Variants in ALCAM observed in about 807,000 individuals in gnomAD.
ALCAM encodes CD166 antigen.
In ALCAM, 30 loss-of-function variants were observed where a neutral mutation model predicts 70.9. That is an observed-to-expected ratio of 0.42 (90% confidence interval 0.32 to 0.57). The LOEUF is 0.57. ALCAM is among the 20% of genes least tolerant of loss of function. The probability of loss-of-function intolerance (pLI) is 0.11; values close to 1 mark genes in which losing one functional copy is unlikely to be tolerated. For synonymous variants in ALCAM, 249 were observed against 242.5 expected (o/e 1.03, Z -0.25); for missense variants, 591 against 695.1 (o/e 0.85, Z 1.68).
At chr3:105,425,830 A>G (rs1290366336) in intron 1 of ALCAM, among the ~76,000 whole-genome samples, 1 of 151,666 alleles carries the variant, frequency 6.6e-6, no homozygotes, top group Admixed American at 6.6e-5. Flanking sequence ...TGATCATTAA[A>G]AGGGCAAAAT....
chr3:105,530,292 C>T, intron 3 of ALCAM, among the ~76,000 whole-genome samples: 1 of 151,940 alleles, frequency 6.6e-6, no homozygotes, highest in East Asian at 1.9e-4. Context: ...AGTGTTTCAT[C>T]AATAAATCAG....
intron 1 of ALCAM, among the ~76,000 whole-genome samples, chr3:105,420,007 A>G (rs1936604686): frequency 6.6e-6 from 1 of 151,798 alleles, no homozygotes; most frequent in Admixed American, 6.6e-5. Context: ...AGAAAGAGAT[A>G]AAGACTTTTT....
At chr3:105,454,653 A>ATT (rs59389132) in intron 1 of ALCAM, among the ~76,000 whole-genome samples, 2,052 of 61,826 alleles carry the variant, frequency 0.033, 276 homozygotes, top group Admixed American at 0.056. Flanking sequence ...ATGCTCATTA[A>ATT]TTTTTTTTTT....
intron 9 of ALCAM, among the ~76,000 whole-genome samples, chr3:105,546,753 A>C (rs1940257844): frequency 1.3e-5 from 2 of 151,422 alleles, no homozygotes; most frequent in African/African-American, 4.8e-5. Flanking sequence ...GTGGGAAAAA[A>C]TATCCTAATG....
intron 11 of ALCAM, among the ~76,000 whole-genome samples, chr3:105,548,651 C>T (rs1470090361): frequency 6.6e-6 from 1 of 151,254 alleles, no homozygotes; most frequent in Admixed American, 6.6e-5. Flanking sequence ...AAAGAGTAGG[C>T]ACACGTGAAG....
intron 14 of ALCAM, among the ~76,000 whole-genome samples, chr3:105,570,835 A>G (rs1443559105): frequency 2.0e-5 from 3 of 152,218 alleles, no homozygotes; most frequent in Non-Finnish European, 4.4e-5. Flanking sequence ...AGCAGGTAAA[A>G]CTATTATGTG....
At chr3:105,572,356 A>G (rs1490470433) in intron 15 of ALCAM, among the ~76,000 whole-genome samples, 2 of 151,960 alleles carry the variant, frequency 1.3e-5, no homozygotes, top group South Asian at 2.1e-4. Flanking sequence ...TTCTTGCGTT[A>G]GTTTGCTGAG....
In ALCAM at chr3:105,540,077, C is replaced by G. The variant is rs1179264498; in HGVS notation, c.833C>G (p.Pro278Arg). 6.2e-7 allele frequency: 1 copy of G among 1,611,758 alleles called. No individual in the cohort carries two copies. Among genetic ancestry groups the G allele is most frequent in the African/African-American group, 1.3e-5 (1 of 74,742 alleles). Residue 278 changes from proline (P) to arginine (R), a missense_variant, in exon 7 of 16, where the codon CCA becomes CGA. By Grantham distance (103) the Pro-to-Arg change is moderately radical. This residue lies in a region of ALCAM where 427 missense variants were observed against 450.4 expected (regional missense o/e 0.95). Coordinates refer to ENST00000306107, the MANE Select transcript of ALCAM (RefSeq NM_001627.4). Reference sequence around the variant, plus strand: ...TGCTTAGGGAATGGCAACCCTCCCCCAGAGGAATTTTTGTTTTACTTACCA... The same window carrying G: ...TGCTTAGGGAATGGCAACCCTCCCCGAGAGGAATTTTTGTTTTACTTACCA... ...LKCLGNGNPP[P>R]EEFLFYLPGQ... is the part of the protein sequence containing the mutation.
intron 1 of ALCAM, among the ~76,000 whole-genome samples, chr3:105,399,538 C>T (rs1936035879): frequency 6.6e-6 from 1 of 151,884 alleles, no homozygotes; most frequent in Admixed American, 6.6e-5. Context: ...CATATTAGGC[C>T]TAGATTTATT....
At chr3:105,441,529 A>T in intron 1 of ALCAM, among the ~76,000 whole-genome samples, 1 of 152,212 alleles carries the variant, frequency 6.6e-6, no homozygotes, top group East Asian at 1.9e-4. Context: ...AGTAGGAAAC[A>T]TATGGAGCTG....
chr3:105,450,255 T>C (rs181809302), intron 1 of ALCAM, among the ~76,000 whole-genome samples: 112 of 152,314 alleles, frequency 7.4e-4, no homozygotes, highest in Admixed American at 2.2e-3. Context: ...ATATCTCTCT[T>C]CTACTTCTCT....
intron 1 of ALCAM, among the ~76,000 whole-genome samples, chr3:105,485,482 A>G (rs1938401722): frequency 6.6e-6 from 1 of 151,994 alleles, no homozygotes; most frequent in African/African-American, 2.4e-5. Flanking sequence ...AATGCAAAAA[A>G]ATATATCTAA....
chr3:105,523,241 AT>A (rs1939601101), intron 2 of ALCAM, among the ~76,000 whole-genome samples: 1 of 16,424 alleles, frequency 6.1e-5, no homozygotes, highest in East Asian at 0.029. Flanking sequence ...GAATAAGGGG[AT>A]GATGAATAAG....
chr3:105,515,083 A>G (rs929764720), intron 1 of ALCAM, among the ~76,000 whole-genome samples: 9 of 151,940 alleles, frequency 5.9e-5, no homozygotes, highest in African/African-American at 2.2e-4. Context: ...ATGCACACAC[A>G]GAGAACTTAC....
intron 15 of ALCAM, among the ~76,000 whole-genome samples, chr3:105,574,242 C>T (rs146711716): frequency 6.6e-6 from 1 of 151,790 alleles, no homozygotes; most frequent in Non-Finnish European, 1.5e-5. Flanking sequence ...TGAAAAAAAA[C>T]TTGTAATATT....
intron 1 of ALCAM, among the ~76,000 whole-genome samples, chr3:105,485,090 A>G (rs1559807269): frequency 1.3e-5 from 2 of 152,120 alleles, no homozygotes; most frequent in African/African-American, 4.8e-5. Flanking sequence ...TCGAATTATG[A>G]AAACAAACTA....
intron 1 of ALCAM, among the ~76,000 whole-genome samples, chr3:105,441,705 C>T (rs1176600526): frequency 6.6e-6 from 1 of 152,122 alleles, no homozygotes; most frequent in African/African-American, 2.4e-5. Flanking sequence ...ATCATCTAAG[C>T]TTCTATAAAA....
chr3:105,390,547 G>T lies in ALCAM; in HGVS notation c.73+23066G>T, dbSNP rs1935791025. On this transcript the variant is annotated intron_variant, in intron 1 of 15. Coordinates refer to ENST00000306107, the MANE Select transcript of ALCAM (RefSeq NM_001627.4). ...GCAAAAATTTTCTCCCATTCTGTAG[G>T]TTGCCTGTTCACTCTGATAATAGTT... is the stretch of plus-strand genomic sequence containing the variant. 1.3e-5 allele frequency among the ~76,000 whole-genome samples: 2 copies of T among 152,098 alleles called. 1 individual carries two copies. Among genetic ancestry groups the T allele is most frequent in the African/African-American group, 4.8e-5 (2 of 41,490 alleles).
At chr3:105,547,631 G>C in intron 11 of ALCAM, 108 bp downstream of exon 11, 1 of 1,409,550 alleles carries the variant, frequency 7.1e-7, no homozygotes, top group Non-Finnish European at 9.5e-7. Context: ...TTTGCAGTGT[G>C]TAGGTTGGTT....
Sources: allele counts gnomAD v4.1 joint callset (sites outside exome capture counted in the v4.1 genomes callset), GRCh38; gene constraint gnomAD v4.1.1; regional missense constraint gnomAD v4.1.1; transcripts MANE v1.5; gene names NCBI Gene and HGNC (gene_info 2026-07-23, HGNC 2026-07-21).